Variants in IKZF1 observed in about 807,000 individuals in gnomAD.
The protein encoded by IKZF1 is DNA-binding protein Ikaros.
In IKZF1, 10 loss-of-function variants were observed where a neutral mutation model predicts 51.7. The observed-to-expected ratio is 0.19, with a 90% CI of 0.12 to 0.33. The LOEUF (loss-of-function observed/expected upper bound fraction) is 0.33, where lower values mean the gene tolerates loss of function less well. Ranked by LOEUF, IKZF1 falls within the 10% of genes least tolerant of loss-of-function variation. The probability of loss-of-function intolerance (pLI) is 1.00; values close to 1 mark genes in which losing one functional copy is unlikely to be tolerated. For synonymous variants in IKZF1, 280 were observed against 282.3 expected (o/e 0.99, Z 0.08); for missense variants, 484 against 707.5 (o/e 0.68, Z 3.58).
chr7:50,339,418 C>G (rs1798549733), intron 3 of IKZF1, among the ~76,000 whole-genome samples: 1 of 152,122 alleles, frequency 6.6e-6, no homozygotes, highest in African/African-American at 2.4e-5. Flanking sequence ...AAACAAAACA[C>G]ATCTTTAGCA....
intron 2 of IKZF1, among the ~76,000 whole-genome samples, chr7:50,322,434 G>A (rs1283614657): frequency 1.3e-5 from 2 of 152,058 alleles, no homozygotes; most frequent in Non-Finnish European, 2.9e-5. Flanking sequence ...TGTTCCTTGA[G>A]ATTTATCCTA....
Position 50,319,781 on chromosome 7 carries a change from G to C in IKZF1, c.40+680G>C, listed in dbSNP as rs376875266. On this transcript the variant is annotated intron_variant, in intron 2 of 7. Transcript: ENST00000331340. ...GCTTTCATGGACTTTGGGGTTTTCG[G>C]TATTTCATATTTTTGAGCCTCACAG... Among the ~76,000 whole-genome samples the C allele has an allele frequency of 4.6e-5, 7 of 152,306 alleles. No homozygotes were observed. In the South Asian group the frequency reaches 1.5e-3, roughly 32 times the overall value.
chr7:50,367,704 T>C (rs1807368409), intron 3 of IKZF1: 1 of 276,250 alleles, frequency 3.6e-6, no homozygotes, highest in Non-Finnish European at 6.8e-6. Flanking sequence ...GAATGGTTTC[T>C]CACAGTTCTA....
chr7:50,356,813 CA>C (rs1480090293), intron 3 of IKZF1, among the ~76,000 whole-genome samples: 1 of 152,138 alleles, frequency 6.6e-6, no homozygotes, highest in East Asian at 1.9e-4. Context: ...AGATGACACA[CA>C]AGCACAGTGT....
At position 50,404,582 on chromosome 7, in the gene IKZF1, A is replaced by G. The variant is rs550423075; in HGVS notation, c.*3955A>G. 4.4e-6 allele frequency: 1 copy of G among 229,328 alleles called. No individual in the cohort carries two copies. The highest frequency in any genetic ancestry group is 1.8e-4 in the South Asian group (1 of 5,488). 14.2% of individuals were successfully genotyped at this position (229,328 alleles called of 1,614,324 possible). A position where few individuals can be genotyped will look rare whatever the true frequency, so the allele number is the denominator to read the frequency against. ...GACAGCTGCAATACCACTTGGGAACACATGTGGTGTCTTGATGTGGCCAGC... is the reference window on the plus strand; with the variant it reads ...GACAGCTGCAATACCACTTGGGAACGCATGTGGTGTCTTGATGTGGCCAGC... On this transcript the variant is annotated 3_prime_UTR_variant, in exon 8 of 8. Coordinates refer to ENST00000331340, the MANE Select transcript of IKZF1 (RefSeq NM_006060.6).
intron 3 of IKZF1, among the ~76,000 whole-genome samples, chr7:50,358,082 T>TA: frequency 6.6e-6 from 1 of 152,324 alleles, no homozygotes; most frequent in East Asian, 1.9e-4. Flanking sequence ...TGACTTGACT[T>TA]ACATGTTACA....
chr7:50,331,719 T>G (rs1321020792), intron 3 of IKZF1, among the ~76,000 whole-genome samples: 2 of 152,356 alleles, frequency 1.3e-5, no homozygotes, highest in African/African-American at 4.8e-5. Context: ...CCTCATTGCT[T>G]CATTCAGTGT....
At chr7:50,314,257 C>G (rs1435147517) in intron 1 of IKZF1, among the ~76,000 whole-genome samples, 1 of 152,190 alleles carries the variant, frequency 6.6e-6, no homozygotes, top group Non-Finnish European at 1.5e-5. Flanking sequence ...ACTACAGGCG[C>G]CCGCCACCAC....
intron 2 of IKZF1, among the ~76,000 whole-genome samples, chr7:50,325,144 T>A (rs1464780704): frequency 6.6e-6 from 1 of 152,088 alleles, no homozygotes; most frequent in Admixed American, 6.5e-5. Context: ...AGAAGGCAAG[T>A]GGCCTGGGTC....
At chr7:50,395,148 T>C (rs1348255876) in intron 7 of IKZF1, among the ~76,000 whole-genome samples, 2 of 152,180 alleles carry the variant, frequency 1.3e-5, no homozygotes, top group Admixed American at 6.5e-5. Flanking sequence ...AAACCCAACA[T>C]CCAGAAATTA....
At chr7:50,340,472 G>A (rs1284972113) in intron 3 of IKZF1, among the ~76,000 whole-genome samples, 2 of 152,244 alleles carry the variant, frequency 1.3e-5, no homozygotes, top group East Asian at 3.8e-4. Context: ...ATGGCCCCCT[G>A]CTGCATGGCA....
intron 7 of IKZF1, among the ~76,000 whole-genome samples, chr7:50,395,730 T>C (rs1438762185): frequency 6.6e-6 from 1 of 152,242 alleles, no homozygotes; most frequent in Non-Finnish European, 1.5e-5. Flanking sequence ...GATTGGACTT[T>C]ACATTCAAGC....
At chr7:50,310,539 A>G (rs1789917391) in intron 1 of IKZF1, among the ~76,000 whole-genome samples, 1 of 152,190 alleles carries the variant, frequency 6.6e-6, no homozygotes, top group African/African-American at 2.4e-5. Flanking sequence ...TGAAGAGATC[A>G]TAGGCCACAA....
chr7:50,312,811 C>T (rs1290906308), intron 1 of IKZF1, among the ~76,000 whole-genome samples: 5 of 152,178 alleles, frequency 3.3e-5, no homozygotes, highest in South Asian at 2.1e-4. Flanking sequence ...TGGAACAAAC[C>T]GCAGGAGGAG....
At chr7:50,370,606 G>A (rs973558657) in intron 3 of IKZF1, among the ~76,000 whole-genome samples, 1 of 152,218 alleles carries the variant, frequency 6.6e-6, no homozygotes, top group Non-Finnish European at 1.5e-5. Context: ...CATCTGGGAA[G>A]GAAAGCAGCT....
At position 50,400,726 on chromosome 7, in the gene IKZF1, CCAGA is replaced by C; in HGVS notation, c.*102_*105del. Reference sequence around the variant, plus strand: ...CGCCAGCAGCATAGACTGGACTGGACCAGACAATGTTGTGTTTGGATTTGTAACT... The same window carrying C: ...CGCCAGCAGCATAGACTGGACTGGACCAATGTTGTGTTTGGATTTGTAACT... On this transcript the variant is annotated 3_prime_UTR_variant, in exon 8 of 8. Transcript: ENST00000331340. The surrounding 1 kb of genome is among the most constrained non-coding windows in gnomAD (Gnocchi z 5.4). The C allele has an allele frequency of 3.7e-6, 5 of 1,355,368 alleles. No homozygotes were observed. The highest frequency in any genetic ancestry group is 2.5e-5 in the East Asian group (1 of 39,956). The allele number at this position is 1,355,368 out of a possible 1,614,324, so 84.0% of individuals were successfully genotyped here. A position where few individuals can be genotyped will look rare whatever the true frequency, so the allele number is the denominator to read the frequency against.
intron 2 of IKZF1, among the ~76,000 whole-genome samples, chr7:50,320,016 T>C (rs983612637): frequency 1.3e-5 from 2 of 152,184 alleles, no homozygotes; most frequent in African/African-American, 2.4e-5. Flanking sequence ...TCCATGGAAC[T>C]GGAGATAGAT....
intron 5 of IKZF1, among the ~76,000 whole-genome samples, chr7:50,384,078 G>A (rs1812648424): frequency 6.6e-6 from 1 of 152,192 alleles, no homozygotes; most frequent in Admixed American, 6.5e-5. Context: ...GTCCTGGGGT[G>A]GAAAGTCAGG....
At chr7:50,306,728 T>G (rs1266291030) in intron 1 of IKZF1, among the ~76,000 whole-genome samples, 1 of 152,258 alleles carries the variant, frequency 6.6e-6, no homozygotes, top group Admixed American at 6.5e-5. Context: ...CCTGTTGTAC[T>G]GCAGGCCACT....
Sources: allele counts gnomAD v4.1 joint callset (sites outside exome capture counted in the v4.1 genomes callset), GRCh38; gene constraint gnomAD v4.1.1; non-coding constraint Gnocchi (gnomAD v3.1); transcripts MANE v1.5; gene names NCBI Gene and HGNC (gene_info 2026-07-23, HGNC 2026-07-21).